EXT1: variants seen among roughly 807,000 people sequenced by gnomAD.
EXT1 encodes exostosin glycosyltransferase 1, also known as exostosin-1.
EXT1 carries 20 observed loss-of-function variants against 82.5 expected under a neutral mutation model. That is an observed-to-expected ratio of 0.24 (90% CI 0.17 to 0.35). EXT1 has a LOEUF of 0.35. Ranked by LOEUF, EXT1 falls within the 10% of genes least tolerant of loss-of-function variation. The pLI is 1.00. For synonymous variants in EXT1, 348 were observed against 350.8 expected (o/e 0.99, Z 0.09); for missense variants, 757 against 936.5 (o/e 0.81, Z 2.50).
chr8:117,993,473 T>C (rs1815475628), intron 1 of EXT1, among the ~76,000 whole-genome samples: 1 of 152,194 alleles, frequency 6.6e-6, no homozygotes, highest in Admixed American at 6.5e-5. Flanking sequence ...TAAATGCAGA[T>C]TTCAAATTCC....
At chr8:117,921,232 C>T (rs776745549) in intron 1 of EXT1, among the ~76,000 whole-genome samples, 14 of 152,236 alleles carry the variant, frequency 9.2e-5, no homozygotes, top group Admixed American at 2.6e-4. Context: ...CAAGAGGCCC[C>T]GCTACTTCCA....
At chr8:117,809,590 T>A (rs928867033) in intron 8 of EXT1, among the ~76,000 whole-genome samples, 1 of 148,858 alleles carries the variant, frequency 6.7e-6, no homozygotes, top group Non-Finnish European at 1.5e-5. Context: ...TGAGCCGAGA[T>A]GGTGCCACTG....
chr8:117,797,948 A>G lies in EXT1; in HGVS notation c.*1764T>C, dbSNP rs1176889471. On this transcript the variant is annotated 3_prime_UTR_variant, in exon 11 of 11. Coordinates refer to ENST00000378204, the MANE Select transcript of EXT1 (RefSeq NM_000127.3). ...CTGTCTACGCACCTCTCAAAACACC[A>G]TCTGGATATGTGGGCTCTACTCCTT... The G allele has an allele frequency of 6.6e-6, 1 of 152,208 alleles. No homozygotes were observed. The highest frequency in any genetic ancestry group is 2.4e-5 in the African/African-American group (1 of 41,434). The allele number at this position is 152,208 out of a possible 1,614,324, so 9.4% of individuals were successfully genotyped here.
chr8:117,944,796 A>G (rs373950931), intron 1 of EXT1, among the ~76,000 whole-genome samples: 74 of 152,364 alleles, frequency 4.9e-4, no homozygotes, highest in African/African-American at 1.7e-3. Flanking sequence ...TGACATTGTT[A>G]TACCAACAAT....
chr8:118,035,775 T>A (rs1816407818), intron 1 of EXT1, among the ~76,000 whole-genome samples: 3 of 152,170 alleles, frequency 2.0e-5, no homozygotes, highest in African/African-American at 7.2e-5. Flanking sequence ...ACTGAACATT[T>A]TTCTTCAATC....
intron 1 of EXT1, among the ~76,000 whole-genome samples, chr8:118,102,495 G>A (rs1312655391): frequency 6.6e-6 from 1 of 152,168 alleles, no homozygotes; most frequent in African/African-American, 2.4e-5. Flanking sequence ...AGACTAGAAT[G>A]GTAAGGTGAA....
chr8:118,080,592 G>A (rs112204341), intron 1 of EXT1, among the ~76,000 whole-genome samples: 45 of 152,000 alleles, frequency 3.0e-4, no homozygotes, highest in African/African-American at 1.0e-3. Context: ...TGCAGGCGTT[G>A]GGCATAATCA....
chr8:117,807,162 C>A, intron 9 of EXT1, 55 bp downstream of exon 9: 4 of 1,605,798 alleles, frequency 2.5e-6, no homozygotes, highest in Non-Finnish European at 3.4e-6. Flanking sequence ...ATTTATGCAG[C>A]AGCCAATATA....
At chr8:117,858,600 C>T (rs1812608536) in intron 1 of EXT1, among the ~76,000 whole-genome samples, 1 of 151,538 alleles carries the variant, frequency 6.6e-6, no homozygotes, top group South Asian at 2.1e-4. Flanking sequence ...ATGGCTTGAA[C>T]CTGGGAGGCG....
chr8:117,901,895 G>A (rs1293694653), intron 1 of EXT1, among the ~76,000 whole-genome samples: 3 of 151,916 alleles, frequency 2.0e-5, no homozygotes, highest in South Asian at 2.1e-4. Flanking sequence ...ATTAGGTTTC[G>A]CCATGTTATT....
At chr8:117,852,482 C>A (rs1812472156) in intron 1 of EXT1, among the ~76,000 whole-genome samples, 1 of 152,142 alleles carries the variant, frequency 6.6e-6, no homozygotes, top group Admixed American at 6.6e-5. Context: ...AATGCCTGTT[C>A]ATTTGCTATA....
chr8:117,852,758 T>C (rs563238871), intron 1 of EXT1, among the ~76,000 whole-genome samples: 6 of 152,260 alleles, frequency 3.9e-5, no homozygotes, highest in East Asian at 1.9e-4. Context: ...CATTTACCAA[T>C]AGCACTTATT....
chr8:118,089,736 G>A (rs146482221), intron 1 of EXT1, among the ~76,000 whole-genome samples: 3 of 152,318 alleles, frequency 2.0e-5, no homozygotes, highest in East Asian at 1.9e-4. Flanking sequence ...GAGCTTCTGA[G>A]ATGAAAACTC....
intron 1 of EXT1, among the ~76,000 whole-genome samples, chr8:118,064,407 T>A (rs971164884): frequency 7.2e-5 from 11 of 152,080 alleles, no homozygotes; most frequent in African/African-American, 2.7e-4. Context: ...CAGCTCCCAC[T>A]TATGAGTGAG....
rs548891923 is a variant in EXT1, at chr8:117,876,823, G to A, written c.963-39622C>T. Among the ~76,000 whole-genome samples the A allele has an allele frequency of 7.9e-5, 12 of 152,258 alleles. No homozygotes were observed. The South Asian group carries it at 1.2e-3, about 16-fold the overall frequency. ...TTCTTCCACAGATATTTACGGAAGC[G>A]CGTATTAAGTCGGAGGCCATCTTTC... On this transcript the variant is annotated intron_variant, in intron 1 of 10. Transcript: ENST00000378204.
At chr8:117,834,205 T>C (rs1292052190) in intron 3 of EXT1, among the ~76,000 whole-genome samples, 1 of 152,176 alleles carries the variant, frequency 6.6e-6, no homozygotes, top group Non-Finnish European at 1.5e-5. Context: ...GCTTAACCCA[T>C]GGGTCTCTCA....
intron 1 of EXT1, among the ~76,000 whole-genome samples, chr8:117,968,664 GGT>G (rs1478832418): frequency 2.1e-5 from 2 of 96,982 alleles, no homozygotes; most frequent in Admixed American, 1.0e-4. Context: ...CCACCTCCCG[GGT>G]TCACGCCATT....
chr8:117,836,653 T>G (rs191152182), intron 2 of EXT1, among the ~76,000 whole-genome samples: 25 of 152,090 alleles, frequency 1.6e-4, no homozygotes, highest in African/African-American at 5.8e-4. Flanking sequence ...ACCTCTGAAC[T>G]GCAGAGCCTT....
At chr8:117,957,019 G>A (rs1814600241) in intron 1 of EXT1, among the ~76,000 whole-genome samples, 2 of 152,212 alleles carry the variant, frequency 1.3e-5, no homozygotes, top group South Asian at 4.1e-4. Flanking sequence ...TAACAACAGA[G>A]TCATAATTTC....
Sources: gnomAD v4.1 joint callset for allele counts (sites outside exome capture counted in the v4.1 genomes callset) on GRCh38, gnomAD v4.1.1 for gene constraint, MANE v1.5 for transcripts, NCBI Gene and HGNC (gene_info 2026-07-23, HGNC 2026-07-21) for gene names.